The following ENOX2 variants were observed in gnomAD, a reference collection of about 807,000 sequenced individuals.
The protein encoded by ENOX2 is APK1 antigen.
A neutral mutation model predicts 45.0 loss-of-function variants in ENOX2; 36 were observed. The ratio of observed to expected loss-of-function variants is 0.80; its 90% CI spans 0.61 to 1.06. The LOEUF is 1.06. Ranked by LOEUF, ENOX2 falls within the 50% of genes least tolerant of loss-of-function variation. The pLI is 0.00. For synonymous variants in ENOX2, 174 were observed against 152.3 expected (o/e 1.14, Z -1.05); for missense variants, 423 against 462.5 (o/e 0.91, Z 0.78).
chrX:130,816,491 A>C (rs1470621979), intron 2 of ENOX2, among the ~76,000 whole-genome samples: 1 of 111,886 alleles, frequency 8.9e-6, no homozygotes, highest in Non-Finnish European at 1.9e-5. Context: ...CATCATACTT[A>C]TTCTAAAACT....
chrX:130,703,272 G>A lies in ENOX2; in HGVS notation c.-38-18C>T. 8.5e-7 allele frequency: 1 copy of A among 1,181,811 alleles called. No homozygotes were observed. Among genetic ancestry groups the A allele is most frequent in the Non-Finnish European group, 1.1e-6 (1 of 880,078 alleles). ...GTTATCGGCTGAAAAGAAATGACAA[G>A]CAAAATAATTTGTTGTGTTAAGGTT... On this transcript the variant is annotated intron_variant, in intron 3 of 14. Coordinates refer to ENST00000394363, the MANE Select transcript of ENOX2 (RefSeq NM_006375.4).
chrX:130,765,857 C>T (rs942733356), intron 3 of ENOX2, among the ~76,000 whole-genome samples: 1 of 111,621 alleles, frequency 9.0e-6, no homozygotes, highest in African/African-American at 3.2e-5. Context: ...AAATCATGTG[C>T]TTCTACATTT....
rs1242445964 is a variant in ENOX2 at position 130,623,922 on chromosome X, T to C, written c.*1392A>G. Reference sequence around the variant, plus strand: ...AAACTGAGGTATAAAAAGGAATATTTATCTTTTAAAAATACAACTTTGAAC... The same window carrying C: ...AAACTGAGGTATAAAAAGGAATATTCATCTTTTAAAAATACAACTTTGAAC... On this transcript the variant is annotated 3_prime_UTR_variant, in exon 15 of 15. Transcript: ENST00000394363. The C allele has an allele frequency of 8.9e-6, 1 of 112,295 alleles. No homozygotes were observed. The highest frequency in any genetic ancestry group is 1.9e-5 in the Non-Finnish European group (1 of 53,287). The allele number at this position is 112,295 out of a possible 1,213,427, so 9.3% of individuals were successfully genotyped here.
intron 9 of ENOX2, among the ~76,000 whole-genome samples, chrX:130,658,597 TA>T (rs1184399591): frequency 9.0e-4 from 101 of 111,958 alleles, no homozygotes; most frequent in African/African-American, 3.2e-3. Context: ...AGCAGAAAGC[TA>T]AAGATAAACT....
At position 130,634,968 on chromosome X, in the gene ENOX2, C is replaced by T. The variant is rs2035892850; in HGVS notation, c.1419+16G>A. The T allele has an allele frequency of 9.6e-6, 9 of 934,931 alleles. No homozygotes were observed. In the South Asian group the frequency reaches 1.3e-4, roughly 13 times the overall value. 77.0% of individuals were successfully genotyped at this position (934,931 alleles called of 1,213,427 possible). The stretch of plus-strand genomic sequence containing the variant: ...GTAAAGGGGCAAGGAAAAAGGTTCA[C>T]TTAGGGTGCATGTACCTTTTCTTTA... On this transcript the variant is annotated intron_variant, in intron 12 of 14. Transcript: ENST00000394363.
intron 3 of ENOX2, among the ~76,000 whole-genome samples, chrX:130,776,569 C>T (rs1412887575): frequency 2.7e-5 from 3 of 111,139 alleles, no homozygotes; most frequent in Non-Finnish European, 5.7e-5. Flanking sequence ...TTCCTAAGGC[C>T]TCCCCAGAAG....
At chrX:130,746,764 G>A (rs1466393016) in intron 3 of ENOX2, among the ~76,000 whole-genome samples, 1 of 111,775 alleles carries the variant, frequency 8.9e-6, no homozygotes, top group Admixed American at 9.5e-5. Context: ...AGGATGGGAA[G>A]ATGATTACAT....
chrX:130,848,059 G>A (rs1329819965), intron 2 of ENOX2, among the ~76,000 whole-genome samples: 1 of 111,900 alleles, frequency 8.9e-6, no homozygotes, highest in Non-Finnish European at 1.9e-5. Context: ...TTGAGATGGA[G>A]TCTCGCTCTG....
At chrX:130,695,392 A>T (rs1437058506) in intron 4 of ENOX2, among the ~76,000 whole-genome samples, 1 of 111,629 alleles carries the variant, frequency 9.0e-6, no homozygotes, top group East Asian at 2.8e-4. Flanking sequence ...CACATTGACT[A>T]TCTTGCTTAC....
intron 14 of ENOX2, 31 bp downstream of exon 14, chrX:130,627,927 C>A (rs751755500): frequency 9.5e-7 from 1 of 1,051,799 alleles, no homozygotes; most frequent in Admixed American, 2.2e-5. Context: ...TCCCACATCC[C>A]CTTGCATCCC....
At chrX:130,699,637 A>G (rs987772312) in intron 4 of ENOX2, among the ~76,000 whole-genome samples, 5 of 111,559 alleles carry the variant, frequency 4.5e-5, no homozygotes, top group African/African-American at 1.6e-4. Flanking sequence ...GTTTTAACCC[A>G]TTGTAAAGAT....
intron 3 of ENOX2, among the ~76,000 whole-genome samples, chrX:130,718,867 G>A (rs944260545): frequency 1.8e-5 from 2 of 111,810 alleles, no homozygotes; most frequent in African/African-American, 6.5e-5. Context: ...TCTGGTCTAC[G>A]TCAGTGCCGG....
At chrX:130,763,733 G>T (rs987781550) in intron 3 of ENOX2, among the ~76,000 whole-genome samples, 2 of 110,950 alleles carry the variant, frequency 1.8e-5, no homozygotes, top group South Asian at 3.9e-4. Context: ...AAAAGTTCCA[G>T]CTTGGTACTT....
intron 10 of ENOX2, chrX:130,646,232 G>A: frequency 2.2e-6 from 1 of 449,140 alleles, no homozygotes; most frequent in Non-Finnish European, 4.1e-6. Flanking sequence ...GTCAAATGCA[G>A]GACCTCATCC....
At chrX:130,647,904 G>T (rs1015734309) in intron 10 of ENOX2, among the ~76,000 whole-genome samples, 2 of 110,811 alleles carry the variant, frequency 1.8e-5, no homozygotes, top group African/African-American at 6.6e-5. Flanking sequence ...TTCTTAGATG[G>T]TAAGTTGTCA....
chrX:130,831,806 AT>A (rs2077836304), intron 2 of ENOX2, among the ~76,000 whole-genome samples: 2 of 111,176 alleles, frequency 1.8e-5, no homozygotes, highest in African/African-American at 3.3e-5. Flanking sequence ...CTTTGTATAT[AT>A]TTTTTCACTG....
intron 3 of ENOX2, among the ~76,000 whole-genome samples, chrX:130,718,064 C>T (rs756291894): frequency 9.0e-6 from 1 of 111,099 alleles, no homozygotes; most frequent in East Asian, 2.8e-4. Context: ...TCTCTTCCTC[C>T]TTCTCTCTCT....
chrX:130,821,702 AT>A (rs2077603474), intron 2 of ENOX2, among the ~76,000 whole-genome samples: 5 of 80,868 alleles, frequency 6.2e-5, no homozygotes, highest in Admixed American at 2.9e-4. Context: ...AAAAAAAAAA[AT>A]TAAAAAAAAA....
intron 4 of ENOX2, among the ~76,000 whole-genome samples, chrX:130,698,334 T>C (rs1261557880): frequency 9.1e-6 from 1 of 109,898 alleles, no homozygotes; most frequent in East Asian, 2.8e-4. Context: ...CCTCGGTCTT[T>C]TTTTTTTTAA....
Sources: allele counts gnomAD v4.1 joint callset (sites outside exome capture counted in the v4.1 genomes callset), GRCh38; gene constraint gnomAD v4.1.1; transcripts MANE v1.5; gene names NCBI Gene and HGNC (gene_info 2026-07-23, HGNC 2026-07-21).